UNC80: variants seen among roughly 807,000 people sequenced by gnomAD.
The protein encoded by UNC80 is unc-80 subunit of NALCN channel complex.
In UNC80, 164 loss-of-function variants were observed where a neutral mutation model predicts 384.6. The ratio of observed to expected loss-of-function variants is 0.43; its 90% confidence interval spans 0.38 to 0.49. UNC80 has a LOEUF of 0.49. Ranked by LOEUF, UNC80 falls within the 20% of genes least tolerant of loss-of-function variation. UNC80 has a pLI of 0.00. For synonymous variants in UNC80, 1,486 were observed against 1,527.8 expected, an observed-to-expected ratio of 0.97 and a Z score of 0.64; for missense variants, 3,330 against 4,143.0, an observed-to-expected ratio of 0.80 and a Z score of 5.39.
chr2:209,995,256 A>G (rs932997484), intron 64 of UNC80, 73 bp from the exon 65 acceptor site: 1 of 1,515,122 alleles, frequency 6.6e-7, no homozygotes, highest in African/African-American at 1.4e-5. Context: ...ACCACTAGAC[A>G]ACAACATTTT....
chr2:209,877,335 C>T lies in UNC80; in HGVS notation c.3841-619C>T, dbSNP rs182125563. On this transcript the variant is annotated intron_variant, in intron 23 of 64. Coordinates refer to ENST00000673920, the MANE Select transcript of UNC80 (RefSeq NM_001371986.1). ...TGTAAAAACCAATATTATCCACGTG[C>T]TGAGTTATTAAAACTCATATTTCTA... 3.3e-5 allele frequency among the ~76,000 whole-genome samples: 5 copies of T among 152,212 alleles called. No individual in the cohort carries two copies. The East Asian group carries it at 7.7e-4, about 24-fold the overall frequency.
intron 5 of UNC80, among the ~76,000 whole-genome samples, chr2:209,788,083 C>T (rs1376896906): frequency 6.6e-6 from 1 of 152,082 alleles, no homozygotes; most frequent in Non-Finnish European, 1.5e-5. Flanking sequence ...ATAGGAATGC[C>T]TGGCACATAA....
chr2:209,820,475 G>T lies in UNC80; in HGVS notation c.2127G>T (p.Lys709Asn). ...ACAAGGAAAATGAGACCTTGGAAAA[G>T]AGGCCAAGTGAGGGAGCTTTCCAAT... ...SENKENETLE[K>N]RPSEGAFQFK... Residue 709 changes from lysine to asparagine, a missense_variant, in exon 13 of 65, where the codon AAG becomes AAT. Coordinates refer to ENST00000673920, the MANE Select transcript of UNC80 (RefSeq NM_001371986.1). 6.4e-7 allele frequency: 1 copy of T among 1,551,686 alleles called. No homozygotes were observed. The highest frequency in any genetic ancestry group is 8.7e-7 in the Non-Finnish European group (1 of 1,146,992).
intron 7 of UNC80, chr2:209,808,767 T>TTCTGCGATACTCAGCGACCTCGTTGCC: frequency 1.7e-5 from 1 of 59,208 alleles, no homozygotes; most frequent in Non-Finnish European, 2.9e-5. Flanking sequence ...CCTGCGCTAC[T>TTCTGCGATACTCAGCGACCTCGTTGCC]TCTGCGCTAC....
chr2:209,867,420 G>C (rs1044339179), intron 22 of UNC80, among the ~76,000 whole-genome samples: 10 of 151,880 alleles, frequency 6.6e-5, no homozygotes, highest in African/African-American at 2.4e-4. Flanking sequence ...TGGGGGCTGG[G>C]GGGCATGGAA....
chr2:209,939,796 A>G (rs2124977087), intron 43 of UNC80, 144 bp downstream of exon 43: 1 of 701,866 alleles, frequency 1.4e-6, no homozygotes, highest in East Asian at 3.0e-5. Context: ...TACATGTGCC[A>G]TGTTGGTGTG....
chr2:209,890,736 T>G (rs1310046325), intron 26 of UNC80, among the ~76,000 whole-genome samples: 3 of 152,240 alleles, frequency 2.0e-5, no homozygotes, highest in African/African-American at 7.2e-5. Flanking sequence ...AAACTTTTAA[T>G]AAGACAATGC....
intron 5 of UNC80, among the ~76,000 whole-genome samples, chr2:209,789,078 T>C (rs535201113): frequency 2.6e-5 from 4 of 152,316 alleles, no homozygotes; most frequent in Admixed American, 2.6e-4. Flanking sequence ...CTATGTCATA[T>C]AGCCTAGATG....
At chr2:209,875,354 C>G (rs1478075986) in intron 23 of UNC80, among the ~76,000 whole-genome samples, 1 of 152,170 alleles carries the variant, frequency 6.6e-6, no homozygotes, top group Non-Finnish European at 1.5e-5. Context: ...CAGACCATTC[C>G]AAGATTATGA....
intron 24 of UNC80, among the ~76,000 whole-genome samples, chr2:209,879,013 T>C (rs1235258758): frequency 1.3e-5 from 2 of 152,146 alleles, no homozygotes; most frequent in Non-Finnish European, 2.9e-5. Context: ...TCTTATGATC[T>C]TCCTTTCCAC....
At chr2:209,936,793 C>G in intron 40 of UNC80, 51 bp from the exon 41 acceptor site, 1 of 1,301,268 alleles carries the variant, frequency 7.7e-7, no homozygotes, top group Non-Finnish European at 1.1e-6. Flanking sequence ...CTACCTAGCA[C>G]ATAATATCTT....
At chr2:209,902,128 A>C (rs1277743056) in intron 28 of UNC80, among the ~76,000 whole-genome samples, 1 of 152,182 alleles carries the variant, frequency 6.6e-6, no homozygotes, top group Non-Finnish European at 1.5e-5. Context: ...AGTTGATGCC[A>C]ACCCTAATGG....
rs375767442 is a variant in UNC80, at chr2:209,941,306, C to A, written c.6732C>A (p.Ser2244Arg). 2 of 1,548,620 alleles carry A rather than the reference C, an allele frequency of 1.3e-6. No homozygotes were observed. The highest frequency in any genetic ancestry group is 1.4e-5 in the African/African-American group (1 of 73,002). The change falls in exon 44 of 65, where the codon AGC becomes AGA. Residue 2244 changes from serine to arginine, a missense_variant. This residue lies in a region of UNC80 where 1,049 missense variants were observed against 1,488.6 expected (regional missense o/e 0.70). Coordinates refer to ENST00000673920, the MANE Select transcript of UNC80 (RefSeq NM_001371986.1). ...AGGAAATGTTCCTGGGCATGCCGAG[C>A]GAGTTTCCATGGGGAGACGAAATCA... ...LLEEMFLGMP[S>R]EFPWGDEIML...
intron 48 of UNC80, among the ~76,000 whole-genome samples, chr2:209,957,284 T>C (rs2092451309): frequency 6.6e-6 from 1 of 152,196 alleles, no homozygotes; most frequent in South Asian, 2.1e-4. Flanking sequence ...TTATCTAGAA[T>C]GGTGAACTAC....
Position 209,788,629 on chromosome 2 carries a change from A to G in UNC80, c.725-903A>G, listed in dbSNP as rs1387796925. On this transcript the variant is annotated intron_variant, in intron 5 of 64. Coordinates refer to ENST00000673920, the MANE Select transcript of UNC80 (RefSeq NM_001371986.1). ...AAAATAAATATATAAATTTATAAATATATGACTATATTAAAAAGCTTATAG... is the reference window on the plus strand; with the variant it reads ...AAAATAAATATATAAATTTATAAATGTATGACTATATTAAAAAGCTTATAG... Among the ~76,000 whole-genome samples the G allele has an allele frequency of 8.8e-5, 13 of 148,382 alleles. No individual in the cohort carries two copies. The East Asian group carries it at 2.3e-3, about 27-fold the overall frequency.
intron 29 of UNC80, among the ~76,000 whole-genome samples, chr2:209,907,160 C>T (rs1559306703): frequency 6.6e-6 from 1 of 152,062 alleles, no homozygotes; most frequent in South Asian, 2.1e-4. Flanking sequence ...GTATTTTACT[C>T]ATGTTTTCTC....
chr2:209,970,800 A>G (rs1301885025), intron 53 of UNC80, 32 bp from the exon 54 acceptor site: 2 of 1,547,780 alleles, frequency 1.3e-6, no homozygotes, highest in African/African-American at 2.7e-5. Context: ...TGCAATAGTC[A>G]AGGCTGGTCA....
intron 48 of UNC80, among the ~76,000 whole-genome samples, chr2:209,955,903 C>T (rs911026425): frequency 6.6e-5 from 10 of 150,926 alleles, no homozygotes; most frequent in Non-Finnish European, 1.5e-4. Flanking sequence ...ACCACCAGGC[C>T]CCGATAATTT....
intron 7 of UNC80, among the ~76,000 whole-genome samples, chr2:209,810,798 A>C (rs758942): frequency 0.99 from 150,558 of 152,312 alleles, 74,434 homozygotes; most frequent in East Asian, 1. Context: ...ACCACAGCAG[A>C]CTAGTCAAGA....
Sources: gnomAD v4.1 joint callset for allele counts (sites outside exome capture counted in the v4.1 genomes callset) on GRCh38, gnomAD v4.1.1 for gene constraint, gnomAD v4.1.1 regional missense constraint, MANE v1.5 for transcripts, NCBI Gene and HGNC (gene_info 2026-07-23, HGNC 2026-07-21) for gene names.